Variants in CPEB3 observed in about 807,000 individuals in gnomAD.
The protein encoded by CPEB3 is cytoplasmic polyadenylation element-binding protein 3.
Under a neutral mutation model 67.2 loss-of-function variants are expected in CPEB3, and 20 were observed. The ratio of observed to expected loss-of-function variants is 0.30; its 90% CI spans 0.21 to 0.43. The LOEUF is 0.43. CPEB3 is among the 20% of genes least tolerant of loss of function. The pLI is 1.00. For synonymous variants in CPEB3, 376 were observed against 393.1 expected (o/e 0.96, Z 0.51); for missense variants, 746 against 968.6 (o/e 0.77, Z 3.05).
At chr10:92,163,290 C>T (rs1412085213) in intron 4 of CPEB3, among the ~76,000 whole-genome samples, 3 of 151,972 alleles carry the variant, frequency 2.0e-5, no homozygotes, top group African/African-American at 7.3e-5. Flanking sequence ...CAAAATTAGC[C>T]GGGCATGGTG....
At chr10:92,095,598 ATAT>A (rs1034093250) in intron 7 of CPEB3, among the ~76,000 whole-genome samples, 8 of 85,270 alleles carry the variant, frequency 9.4e-5, no homozygotes, top group East Asian at 6.0e-4. Context: ...ATATATATAT[ATAT>A]TTTTTTTTTT....
intron 6 of CPEB3, among the ~76,000 whole-genome samples, chr10:92,140,082 A>C (rs1271959852): frequency 6.6e-6 from 1 of 152,104 alleles, no homozygotes; most frequent in East Asian, 1.9e-4. Flanking sequence ...AAAAAAAAAA[A>C]AAAAAATCAA....
intron 4 of CPEB3, among the ~76,000 whole-genome samples, chr10:92,148,605 A>G (rs1163495444): frequency 6.6e-6 from 1 of 152,156 alleles, no homozygotes; most frequent in Non-Finnish European, 1.5e-5. Flanking sequence ...GATGGGACCA[A>G]TTTAATCTTG....
intron 2 of CPEB3, among the ~76,000 whole-genome samples, chr10:92,215,940 G>C (rs1367006863): frequency 6.7e-6 from 1 of 148,360 alleles, no homozygotes; most frequent in African/African-American, 2.5e-5. Flanking sequence ...AGCAGAGACA[G>C]GGTTTCACCA....
In CPEB3 at chr10:92,047,341, T is replaced by C. The variant is rs1395701677; in HGVS notation, c.*4871A>G. ...ACAATCCATTCAAATAAGCCAGTTT[T>C]AACAAAAAGATACATTTTTTTCACT... is the stretch of plus-strand genomic sequence containing the variant. On this transcript the variant is annotated 3_prime_UTR_variant, in exon 10 of 10. Coordinates refer to ENST00000265997, the MANE Select transcript of CPEB3 (RefSeq NM_014912.5). The C allele has an allele frequency of 6.6e-6, 1 of 152,212 alleles. No homozygotes were observed. The highest frequency in any genetic ancestry group is 1.5e-5 in the Non-Finnish European group (1 of 68,028). 9.4% of individuals were successfully genotyped at this position (152,212 alleles called of 1,614,324 possible). A position where few individuals can be genotyped will look rare whatever the true frequency, so the allele number is the denominator to read the frequency against.
At chr10:92,054,501 GCAACCTCCACCTCCCA>G (rs767072198) in intron 9 of CPEB3, among the ~76,000 whole-genome samples, 7 of 151,608 alleles carry the variant, frequency 4.6e-5, no homozygotes, top group African/African-American at 1.5e-4. Context: ...TCAGCTCACT[GCAACCTCCACCTCCCA>G]CAACCTCCAC....
intron 1 of CPEB3, among the ~76,000 whole-genome samples, chr10:92,244,440 A>G (rs191829472): frequency 2.5e-4 from 36 of 143,986 alleles, no homozygotes; most frequent in African/African-American, 8.5e-4. Flanking sequence ...CAGTAGATAC[A>G]GTTTTCTTTT....
chr10:92,289,909 T>C (rs1225314778), intron 1 of CPEB3, among the ~76,000 whole-genome samples: 18 of 116,710 alleles, frequency 1.5e-4, no homozygotes, highest in African/African-American at 6.6e-4. Context: ...CTAGGAGGAG[T>C]GTGTGTGTAT....
chr10:92,161,231 C>G (rs1195050329), intron 4 of CPEB3, among the ~76,000 whole-genome samples: 2 of 152,008 alleles, frequency 1.3e-5, no homozygotes, highest in African/African-American at 4.8e-5. Context: ...AAGTAGTGAT[C>G]TATCTGAGAT....
chr10:92,053,387 T>C (rs995207038), intron 9 of CPEB3, among the ~76,000 whole-genome samples: 8 of 152,064 alleles, frequency 5.3e-5, no homozygotes, highest in Non-Finnish European at 1.2e-4. Context: ...TTTTTTGAGA[T>C]GGAGTCTCAC....
At position 92,198,093 on chromosome 10, in the gene CPEB3, G is replaced by A. The variant is rs183029144; in HGVS notation, c.1006-5457C>T. On this transcript the variant is annotated intron_variant, in intron 2 of 9. Transcript: ENST00000265997. ...TGCACTCCACCCTGGGTGACACAGT[G>A]AGACTCCATCTCAAATAAAATAAAA... Among the ~76,000 whole-genome samples the A allele has an allele frequency of 2.6e-5, 4 of 152,286 alleles. 1 individual carries two copies. The East Asian group carries it at 7.7e-4, about 29-fold the overall frequency.
intron 6 of CPEB3, among the ~76,000 whole-genome samples, chr10:92,141,655 G>C (rs1325582914): frequency 1.3e-5 from 2 of 148,978 alleles, no homozygotes; most frequent in African/African-American, 4.9e-5. Context: ...AATAATAATA[G>C]TTATTGAAAT....
intron 4 of CPEB3, among the ~76,000 whole-genome samples, chr10:92,166,427 A>C (rs1847749750): frequency 6.6e-6 from 1 of 152,126 alleles, no homozygotes; most frequent in Non-Finnish European, 1.5e-5. Context: ...GTATTTCTTC[A>C]ACAAGATGGC....
chr10:92,124,246 C>A (rs2133645222), intron 6 of CPEB3, among the ~76,000 whole-genome samples: 1 of 152,338 alleles, frequency 6.6e-6, no homozygotes, highest in Non-Finnish European at 1.5e-5. Flanking sequence ...GCTGCTCAAG[C>A]TTTGTCCTGT....
intron 3 of CPEB3, among the ~76,000 whole-genome samples, chr10:92,181,240 AAAAG>A (rs1848445260): frequency 6.6e-6 from 1 of 151,910 alleles, no homozygotes; most frequent in African/African-American, 2.4e-5. Flanking sequence ...AAAAAACAAA[AAAAG>A]AAGCTTCTGT....
chr10:92,063,933 T>C (rs906557336), intron 9 of CPEB3, among the ~76,000 whole-genome samples: 1 of 152,032 alleles, frequency 6.6e-6, no homozygotes, highest in Non-Finnish European at 1.5e-5. Context: ...AATCTAAGGC[T>C]GGTATCTAGT....
chr10:92,283,875 C>T (rs1272832090), intron 1 of CPEB3, among the ~76,000 whole-genome samples: 3 of 149,160 alleles, frequency 2.0e-5, no homozygotes, highest in East Asian at 2.0e-4. Context: ...TACAGGTCCT[C>T]GCCACCACAC....
chr10:92,192,904 T>G (rs1849052836), intron 2 of CPEB3, among the ~76,000 whole-genome samples: 1 of 152,156 alleles, frequency 6.6e-6, no homozygotes, highest in Non-Finnish European at 1.5e-5. Context: ...AGACGTGAGC[T>G]ACCGCGCTGA....
chr10:92,151,704 T>C (rs1358196432), intron 4 of CPEB3, among the ~76,000 whole-genome samples: 1 of 152,228 alleles, frequency 6.6e-6, no homozygotes, highest in African/African-American at 2.4e-5. Flanking sequence ...CATTTCAATA[T>C]GTGGCATTAC....
Sources: gnomAD v4.1 joint callset for allele counts (sites outside exome capture counted in the v4.1 genomes callset) on GRCh38, gnomAD v4.1.1 for gene constraint, MANE v1.5 for transcripts, NCBI Gene and HGNC (gene_info 2026-07-23, HGNC 2026-07-21) for gene names.